The following APBB1 variants were observed in gnomAD, a reference collection of about 807,000 sequenced individuals.
The protein encoded by APBB1 is amyloid beta precursor protein binding family B member 1.
Under a neutral mutation model 78.4 loss-of-function variants are expected in APBB1, and 22 were observed. That is an observed-to-expected ratio of 0.28 (90% CI 0.20 to 0.40). The LOEUF is 0.40. Among genes scored for constraint, APBB1 ranks in the 10% least tolerant of loss-of-function variants. APBB1 has a pLI of 1.00. For synonymous variants in APBB1, 369 were observed against 372.7 expected (o/e 0.99, Z 0.12); for missense variants, 749 against 932.4 (o/e 0.80, Z 2.56).
intron 1 of APBB1, among the ~76,000 whole-genome samples, chr11:6,414,800 C>T (rs1234281778): frequency 6.6e-6 from 1 of 152,186 alleles, no homozygotes; most frequent in Non-Finnish European, 1.5e-5. Flanking sequence ...GACTCCACGA[C>T]TCTGCCATGC....
At chr11:6,419,256 C>T, upstream of APBB1, 1 of 288,222 alleles carries the variant, frequency 3.5e-6, no homozygotes, top group Non-Finnish European at 6.4e-6. Flanking sequence ...GCCCCGCGGT[C>T]CAGCCCTCCC....
rs764662387 is a variant in APBB1, at chr11:6,410,777, T to C, written c.571A>G (p.Arg191Gly). 1.9e-6 allele frequency: 3 copies of C among 1,604,054 alleles called. No individual in the cohort carries two copies. The highest frequency in any genetic ancestry group is 2.6e-6 in the Non-Finnish European group (3 of 1,173,828). ...EPLESVEAPPRPQALTDGPRE... is the reference protein window; with the variant it reads ...EPLESVEAPPGPQALTDGPRE... ...GGGCCATCTGTAAGGGCTTGGGGCCTGGGAGGGGCCTCCACACTCTCCAGG... is the reference window on the plus strand; with the variant it reads ...GGGCCATCTGTAAGGGCTTGGGGCCCGGGAGGGGCCTCCACACTCTCCAGG... The change falls in exon 2 of 15, where the codon AGG becomes GGG. Residue 191 changes from arginine (R) to glycine (G), a missense_variant. Physicochemically the swap from Arg to Gly is moderately radical, Grantham distance 125. This residue lies in a region of APBB1 where 635 missense variants were observed against 765.0 expected (regional missense o/e 0.83). Coordinates refer to ENST00000609360, the MANE Select transcript of APBB1 (RefSeq NM_001164.5).
chr11:6,398,393 C>T (rs1848335313), intron 12 of APBB1, among the ~76,000 whole-genome samples: 1 of 152,180 alleles, frequency 6.6e-6, no homozygotes, highest in African/African-American at 2.4e-5. Context: ...ATCAGGCATT[C>T]ATTACCACTT....
upstream of APBB1, chr11:6,419,145 G>A (rs1849196868): frequency 2.8e-6 from 1 of 357,600 alleles, no homozygotes; most frequent in Non-Finnish European, 5.0e-6. Flanking sequence ...AGGGGGAGGG[G>A]CGCCATCTTG....
At position 6,396,205 on chromosome 11, in the gene APBB1, C is replaced by T; in HGVS notation, c.1683G>A (p.Val561=). The stretch of plus-strand genomic sequence containing the variant: ...GGACTGACTCGAGGGCCCCATTAAT[C>T]ACATCTACCCCTAGAACATATGGAC... ...VPVAKPVGVD[V]INGALESVLS... The change falls in exon 13 of 15, where the codon GTG becomes GTA. Residue 561 remains valine, a synonymous_variant. Coordinates refer to ENST00000609360, the MANE Select transcript of APBB1 (RefSeq NM_001164.5). 1 of 1,550,998 alleles carries T rather than the reference C, an allele frequency of 6.4e-7. No homozygotes were observed. Among genetic ancestry groups the T allele is most frequent in the Non-Finnish European group, 8.7e-7 (1 of 1,146,760 alleles).
rs1395908202 is a variant in APBB1 at position 6,401,788 on chromosome 11, G to C, written c.1389-100C>G. ...CTCCCTGCCCATCACAGCTCCTCCA[G>C]GGCTTCTGCCCACAGCTGGTCCCCC... is the stretch of plus-strand genomic sequence containing the variant. On this transcript the variant is annotated intron_variant, in intron 9 of 14. Coordinates refer to ENST00000609360, the MANE Select transcript of APBB1 (RefSeq NM_001164.5). The surrounding 1 kb of genome is among the most constrained non-coding windows in gnomAD (Gnocchi z 4.5). 6.1e-6 allele frequency: 9 copies of C among 1,486,700 alleles called. No individual in the cohort carries two copies. The African/African-American group carries it at 1.2e-4, about 21-fold the overall frequency. 92.1% of individuals were successfully genotyped at this position (1,486,700 alleles called of 1,614,324 possible).
rs146656518 is a variant in APBB1, at chr11:6,402,111, G to T, written c.1353C>A (p.Arg451=). The change falls in exon 8 of 15, where the codon CGC becomes CGA. Residue 451 remains arginine (R), a synonymous_variant. Coordinates refer to ENST00000609360, the MANE Select transcript of APBB1 (RefSeq NM_001164.5). ...LLHAQPIISI[R]VWGVGRDSGR... ...CACTGTCCCGCCCGACGCCCCACAC[G>T]CGGATGCTGATGATGGGTTGGGCGT... 6.2e-7 allele frequency: 1 copy of T among 1,614,094 alleles called. No individual in the cohort carries two copies. The highest frequency in any genetic ancestry group is 1.6e-4 in the Middle Eastern group (1 of 6,062).
At chr11:6,399,439 A>C (rs1214466998) in intron 12 of APBB1, among the ~76,000 whole-genome samples, 2 of 152,262 alleles carry the variant, frequency 1.3e-5, no homozygotes, top group Non-Finnish European at 2.9e-5. Context: ...AAGGTCCAAC[A>C]GCCAGGAACT....
intron 1 of APBB1, among the ~76,000 whole-genome samples, chr11:6,415,888 A>G (rs948410338): frequency 3.3e-5 from 5 of 152,028 alleles, no homozygotes; most frequent in Non-Finnish European, 5.9e-5. Flanking sequence ...CGGTCTCCCA[A>G]CTTGACCTGA....
chr11:6,405,347 C>T lies in APBB1; in HGVS notation c.722-1525G>A, dbSNP rs977637270. ...GTCCTGAGCCCCAGCAAGCTTGAGG[C>T]TGGGCTTGGGGCTTCCCAGCACCAC... On this transcript the variant is annotated intron_variant, in intron 2 of 14. Coordinates refer to ENST00000609360, the MANE Select transcript of APBB1 (RefSeq NM_001164.5). 3.0e-6 allele frequency: 3 copies of T among 986,932 alleles called. No homozygotes were observed. In the African/African-American group the frequency reaches 5.2e-5, roughly 17 times the overall value. 61.1% of individuals were successfully genotyped at this position (986,932 alleles called of 1,614,324 possible). A position where few individuals can be genotyped will look rare whatever the true frequency, so the allele number is the denominator to read the frequency against.
intron 12 of APBB1, among the ~76,000 whole-genome samples, chr11:6,397,847 G>C (rs1053816110): frequency 5.3e-5 from 8 of 152,234 alleles, no homozygotes; most frequent in African/African-American, 1.9e-4. Flanking sequence ...TCACTCTCAA[G>C]GCAACAAGGG....
At chr11:6,405,099 A>G in intron 2 of APBB1, 1 of 1,342,242 alleles carries the variant, frequency 7.5e-7, no homozygotes, top group Non-Finnish European at 9.6e-7. Flanking sequence ...CCCTCCCCCA[A>G]TCCTGAATCT....
rs765627103 is a variant in APBB1, at chr11:6,403,177, G to A, written c.1072C>T (p.Leu358Phe). 5 of 1,613,474 alleles carry A rather than the reference G, an allele frequency of 3.1e-6. No homozygotes were observed. Residue 358 changes from leucine to phenylalanine, a missense_variant, in exon 6 of 15, where the codon CTT becomes TTT. This residue lies in a region of APBB1 where 635 missense variants were observed against 765.0 expected (regional missense o/e 0.83). Transcript: ENST00000609360. This position sits in a 1 kb window ranked among gnomAD's most constrained non-coding sequence, Gnocchi z 5.3. The stretch of plus-strand genomic sequence containing the variant: ...CCTGGGTTGGTATTCCGTGGGGGAA[G>A]CTTCTCCTCCTCTTGGGGCAACGGC... ...PEPLPQEEEK[L>F]PPRNTNPGIK...
intron 2 of APBB1, chr11:6,405,171 G>A (rs900359318): frequency 6.0e-6 from 7 of 1,163,704 alleles, no homozygotes; most frequent in Non-Finnish European, 6.4e-6. Flanking sequence ...GGGATACCAG[G>A]AGACTCAGCC....
chr11:6,413,084 C>T (rs1489184235), intron 1 of APBB1, among the ~76,000 whole-genome samples: 2 of 152,092 alleles, frequency 1.3e-5, no homozygotes, highest in Non-Finnish European at 1.5e-5. Flanking sequence ...TCCCGGACCC[C>T]CAAGAGAAAG....
At position 6,403,297 on chromosome 11, in the gene APBB1, C is replaced by A; in HGVS notation, c.1040+22G>T. The A allele has an allele frequency of 6.2e-7, 1 of 1,612,952 alleles. No individual in the cohort carries two copies. On this transcript the variant is annotated intron_variant, in intron 5 of 14. Transcript: ENST00000609360. This position sits in a 1 kb window ranked among gnomAD's most constrained non-coding sequence, Gnocchi z 5.3. ...CCAGACAGATCCATCCCACTGCCAG[C>A]TCACTGCATCTGGCAGCTCACCTGA... is the stretch of plus-strand genomic sequence containing the variant.
chr11:6,417,500 C>G (rs1028626650), intron 1 of APBB1, among the ~76,000 whole-genome samples: 1 of 152,202 alleles, frequency 6.6e-6, no homozygotes. Context: ...GGACATAACA[C>G]AGTGCCTGGC....
chr11:6,395,417 G>T lies in APBB1; in HGVS notation c.*117C>A, dbSNP rs1188932690. On this transcript the variant is annotated 3_prime_UTR_variant, in exon 15 of 15. Transcript: ENST00000609360. The surrounding 1 kb of genome is among the most constrained non-coding windows in gnomAD (Gnocchi z 5.2). ...TAGGCAGGGAACCGTAGCTACTGGG[G>T]AGGGGCATATTTGGGAGGCCTGAGG... 2.6e-6 allele frequency: 3 copies of T among 1,138,012 alleles called. No individual in the cohort carries two copies. Among genetic ancestry groups the T allele is most frequent in the Non-Finnish European group, 3.6e-6 (3 of 838,744 alleles). 70.5% of individuals were successfully genotyped at this position (1,138,012 alleles called of 1,614,324 possible). A position where few individuals can be genotyped will look rare whatever the true frequency, so the allele number is the denominator to read the frequency against.
In APBB1 at chr11:6,419,016, G is replaced by C. The variant is rs1186376366; in HGVS notation, c.-46C>G. 10 of 393,566 alleles carry C rather than the reference G, an allele frequency of 2.5e-5. No homozygotes were observed. Among genetic ancestry groups the C allele is most frequent in the African/African-American group, 1.0e-4 (5 of 48,320 alleles). The allele number at this position is 393,566 out of a possible 1,614,324, so 24.4% of individuals were successfully genotyped here. A position where few individuals can be genotyped will look rare whatever the true frequency, so the allele number is the denominator to read the frequency against. On this transcript the variant is annotated 5_prime_UTR_variant, in exon 1 of 15. Coordinates refer to ENST00000609360, the MANE Select transcript of APBB1 (RefSeq NM_001164.5). ...GGTGAGGCCCCGGGCCCAGATGACG[G>C]AGGTGGCTCAGGCTGCGGGGTTCGG...
Sources: gnomAD v4.1 joint callset for allele counts (sites outside exome capture counted in the v4.1 genomes callset) on GRCh38, gnomAD v4.1.1 for gene constraint, gnomAD v4.1.1 regional missense constraint, Gnocchi (gnomAD v3.1) non-coding constraint, MANE v1.5 for transcripts, NCBI Gene and HGNC (gene_info 2026-07-23, HGNC 2026-07-21) for gene names.